Variants in PTPRN2 observed in about 807,000 individuals in gnomAD.
The protein encoded by PTPRN2 is receptor-type tyrosine-protein phosphatase N2.
PTPRN2 carries 74 observed loss-of-function variants against 118.8 expected under a neutral mutation model. That is an observed-to-expected ratio of 0.62 (90% confidence interval 0.52 to 0.76). The LOEUF (loss-of-function observed/expected upper bound fraction) is 0.76, where lower values mean the gene tolerates loss of function less well. Ranked by LOEUF, PTPRN2 falls within the 30% of genes least tolerant of loss-of-function variation. The probability of loss-of-function intolerance (pLI) is 0.00; values close to 1 mark genes in which losing one functional copy is unlikely to be tolerated. For synonymous variants in PTPRN2, 641 were observed against 608.0 expected (o/e 1.05, Z -0.80); for missense variants, 1,481 against 1,394.4 (o/e 1.06, Z -0.99).
intron 11 of PTPRN2, among the ~76,000 whole-genome samples, chr7:157,922,574 C>A (rs7800206): frequency 0.035 from 4,214 of 119,528 alleles, 198 homozygotes; most frequent in African/African-American, 0.11. Flanking sequence ...GATAAATGTT[C>A]TCTTTAGTTG....
At chr7:157,923,921 C>T (rs554460781) in intron 11 of PTPRN2, among the ~76,000 whole-genome samples, 1 of 152,150 alleles carries the variant, frequency 6.6e-6, no homozygotes, top group Admixed American at 6.5e-5. Flanking sequence ...AAAAAAGCAA[C>T]CTGTCCTGAA....
intron 5 of PTPRN2, among the ~76,000 whole-genome samples, chr7:158,177,505 T>G (rs956269823): frequency 6.6e-6 from 1 of 152,194 alleles, no homozygotes; most frequent in South Asian, 2.1e-4. Context: ...TCCGTCACCC[T>G]GAATACATTC....
At chr7:158,400,616 G>A (rs1812864338) in intron 2 of PTPRN2, among the ~76,000 whole-genome samples, 1 of 152,092 alleles carries the variant, frequency 6.6e-6, no homozygotes, top group South Asian at 2.1e-4. Flanking sequence ...ATTCTCCTTG[G>A]GGTGAAAGTG....
rs1247067156 is a variant in PTPRN2 at position 158,188,218 on chromosome 7, T to G, written c.549+4109A>C. On this transcript the variant is annotated intron_variant, in intron 5 of 22. Transcript: ENST00000389418. ...GAAGGCCGCCACGCTCGCCGCCTGA[T>G]GGGGAAGGCCGCCACGCTTGCCCCG... 2.8e-3 allele frequency among the ~76,000 whole-genome samples: 114 copies of G among 41,154 alleles called. 18 individuals are homozygous for G. The highest frequency in any genetic ancestry group is 4.5e-3 in the East Asian group (5 of 1,110). The allele number at this position is 41,154 out of a possible 152,430, so 27.0% of individuals were successfully genotyped here.
chr7:158,513,327 TG>T (rs1198607076), intron 1 of PTPRN2, among the ~76,000 whole-genome samples: 2 of 152,150 alleles, frequency 1.3e-5, no homozygotes, highest in African/African-American at 4.8e-5. Context: ...AAGGAAAGTC[TG>T]AGAAAATGTG....
rs1175446806 is a variant in PTPRN2, at chr7:157,996,290, GGA to G, written c.1723+85006_1723+85007del. ...GCTGCAGACCCGGGACGCTGGGAAG[GGA>G]GAGGAGGGTGAGAATTCGCCGCTCG... On this transcript the variant is annotated intron_variant, in intron 11 of 22. Coordinates refer to ENST00000389418, the MANE Select transcript of PTPRN2 (RefSeq NM_002847.5). Among the ~76,000 whole-genome samples the G allele has an allele frequency of 3.3e-5, 5 of 152,338 alleles. No individual in the cohort carries two copies. In the East Asian group the frequency reaches 9.6e-4, roughly 29 times the overall value.
chr7:158,306,550 T>G (rs944981286), intron 3 of PTPRN2, among the ~76,000 whole-genome samples: 11 of 152,020 alleles, frequency 7.2e-5, no homozygotes, highest in Non-Finnish European at 1.6e-4. Context: ...CTAACCAAAC[T>G]GAGCAGAGAC....
At chr7:158,074,122 T>C (rs1320758722) in intron 11 of PTPRN2, among the ~76,000 whole-genome samples, 2 of 152,116 alleles carry the variant, frequency 1.3e-5, no homozygotes, top group African/African-American at 2.4e-5. Flanking sequence ...GAGTAATACT[T>C]GGGAAACTCA....
intron 21 of PTPRN2, among the ~76,000 whole-genome samples, chr7:157,567,197 A>G (rs565290603): frequency 6.6e-6 from 1 of 152,390 alleles, no homozygotes; most frequent in Non-Finnish European, 1.5e-5. Flanking sequence ...TGGACAAGGA[A>G]AAATGGACTT....
chr7:158,001,152 G>GGTGCAGGGTGGA (rs1805220724), intron 11 of PTPRN2, among the ~76,000 whole-genome samples: 1 of 92,960 alleles, frequency 1.1e-5, no homozygotes, highest in Non-Finnish European at 2.2e-5. Context: ...TGCAAGGTGG[G>GGTGCAGGGTGGA]GCTGGGGTTT....
intron 15 of PTPRN2, among the ~76,000 whole-genome samples, chr7:157,612,077 C>A (rs1802382904): frequency 6.6e-6 from 1 of 152,200 alleles, no homozygotes; most frequent in Admixed American, 6.5e-5. Context: ...GTCCCTGCAG[C>A]CCTCCAGGCC....
At chr7:158,205,800 C>A (rs939109762) in intron 3 of PTPRN2, among the ~76,000 whole-genome samples, 10 of 152,134 alleles carry the variant, frequency 6.6e-5, no homozygotes, top group Admixed American at 3.9e-4. Context: ...GATAGTGGGA[C>A]TTGGTATTGG....
In PTPRN2 at chr7:157,987,594, T is replaced by C. The variant is rs1803902509; in HGVS notation, c.1724-88857A>G. Among the ~76,000 whole-genome samples the C allele has an allele frequency of 6.6e-6, 1 of 152,284 alleles. No individual in the cohort carries two copies. Among genetic ancestry groups the C allele is most frequent in the South Asian group, 2.1e-4 (1 of 4,828 alleles). ...CCCACTGCTGAGTTTTATGTCTGGATGCTGAATAGCTGGAGGAAGCGGCCT... is the reference window on the plus strand; with the variant it reads ...CCCACTGCTGAGTTTTATGTCTGGACGCTGAATAGCTGGAGGAAGCGGCCT... On this transcript the variant is annotated intron_variant, in intron 11 of 22. Coordinates refer to ENST00000389418, the MANE Select transcript of PTPRN2 (RefSeq NM_002847.5). The surrounding 1 kb of genome is among the most constrained non-coding windows in gnomAD (Gnocchi z 4.3).
At chr7:158,343,643 G>C (rs1305285727) in intron 2 of PTPRN2, among the ~76,000 whole-genome samples, 1 of 136,980 alleles carries the variant, frequency 7.3e-6, no homozygotes, top group Non-Finnish European at 1.6e-5. Flanking sequence ...GGTGGAATCA[G>C]CCCCATTTCT....
chr7:158,163,413 A>G (rs1822553859), intron 6 of PTPRN2, among the ~76,000 whole-genome samples: 1 of 148,092 alleles, frequency 6.8e-6, no homozygotes, highest in Non-Finnish European at 1.5e-5. Context: ...CGGGGTTCTC[A>G]ATATTCTCTG....
chr7:158,556,894 G>A (rs577279061), intron 1 of PTPRN2, among the ~76,000 whole-genome samples: 2 of 124,184 alleles, frequency 1.6e-5, no homozygotes, highest in Non-Finnish European at 3.3e-5. Context: ...GAAGGTCAGG[G>A]GGCTCCCGTG....
rs796556065 is a variant in PTPRN2, at chr7:157,998,827, A to AAC, written c.1723+82470_1723+82471insGT. Reference sequence around the variant, plus strand: ...ACAGATACTCCATCTCAAAAAAAAAAAAAAAAAAAACTCTACTTCAAGTTG... The same window carrying AAC: ...ACAGATACTCCATCTCAAAAAAAAAAACAAAAAAAAAACTCTACTTCAAGTTG... On this transcript the variant is annotated intron_variant, in intron 11 of 22. Coordinates refer to ENST00000389418, the MANE Select transcript of PTPRN2 (RefSeq NM_002847.5). Among the ~76,000 whole-genome samples, 79 of 151,964 alleles carry AAC rather than the reference A, an allele frequency of 5.2e-4. 1 individual carries two copies. The highest frequency in any genetic ancestry group is 1.9e-3 in the African/African-American group (79 of 41,440).
chr7:158,509,117 G>A lies in PTPRN2; in HGVS notation c.113-19332C>T, dbSNP rs1822993993. ...GGGACTGGGAGGGGAGAGGGAGAGA[G>A]AGAGCAGAAGGATGAGCTTCTGTTG... is the stretch of plus-strand genomic sequence containing the variant. On this transcript the variant is annotated intron_variant, in intron 1 of 22. Transcript: ENST00000389418. The surrounding 1 kb of genome is among the most constrained non-coding windows in gnomAD (Gnocchi z 4.4). 6.6e-6 allele frequency among the ~76,000 whole-genome samples: 1 copy of A among 151,996 alleles called. No individual in the cohort carries two copies. Among genetic ancestry groups the A allele is most frequent in the South Asian group, 2.1e-4 (1 of 4,832 alleles).
At chr7:158,362,176 T>C (rs1169660667) in intron 2 of PTPRN2, among the ~76,000 whole-genome samples, 1 of 152,296 alleles carries the variant, frequency 6.6e-6, no homozygotes, top group Non-Finnish European at 1.5e-5. Flanking sequence ...TGGACCTCCA[T>C]CGCCCCAGCT....
Sources: gnomAD v4.1 joint callset for allele counts (sites outside exome capture counted in the v4.1 genomes callset) on GRCh38, gnomAD v4.1.1 for gene constraint, Gnocchi (gnomAD v3.1) non-coding constraint, MANE v1.5 for transcripts, NCBI Gene and HGNC (gene_info 2026-07-23, HGNC 2026-07-21) for gene names.